COX7B2: variants seen among roughly 807,000 people sequenced by gnomAD.
COX7B2 encodes cytochrome c oxidase subunit 7B2, also known as cytochrome c oxidase subunit 7B2, mitochondrial.
For missense variants in COX7B2, 109 were observed against 95.9 expected (o/e 1.14, Z -0.57); for synonymous variants, 37 against 32.1 (o/e 1.15, Z -0.51).
At chr4:46,796,335 G>A (rs1177966621) in intron 2 of COX7B2, among the ~76,000 whole-genome samples, 1 of 149,504 alleles carries the variant, frequency 6.7e-6, no homozygotes, top group Non-Finnish European at 1.5e-5. Flanking sequence ...AAAAACACAT[G>A]AAGAAATGCT....
chr4:46,798,486 G>A (rs1328814701), intron 2 of COX7B2, among the ~76,000 whole-genome samples: 1 of 152,186 alleles, frequency 6.6e-6, no homozygotes, highest in Non-Finnish European at 1.5e-5. Flanking sequence ...TACTTAAAGT[G>A]TCACTCAGAG....
intron 1 of COX7B2, among the ~76,000 whole-genome samples, chr4:46,884,656 T>C (rs1472099271): frequency 1.3e-5 from 2 of 152,232 alleles, no homozygotes; most frequent in African/African-American, 4.8e-5. Context: ...ATATTCACAT[T>C]GCCCATTCAT....
At chr4:46,892,833 G>A (rs1048704481) in intron 1 of COX7B2, among the ~76,000 whole-genome samples, 2 of 152,150 alleles carry the variant, frequency 1.3e-5, no homozygotes, top group Non-Finnish European at 2.9e-5. Context: ...GTTCCCATAA[G>A]TGTCGCAAGA....
At chr4:46,881,749 A>C (rs1350570003) in intron 1 of COX7B2, among the ~76,000 whole-genome samples, 1 of 152,166 alleles carries the variant, frequency 6.6e-6, no homozygotes, top group Non-Finnish European at 1.5e-5. Flanking sequence ...AATGGGAGGC[A>C]TGTTTGCCCT....
intron 2 of COX7B2, among the ~76,000 whole-genome samples, chr4:46,735,932 G>C (rs1200542059): frequency 6.6e-6 from 1 of 152,016 alleles, no homozygotes; most frequent in Non-Finnish European, 1.5e-5. Flanking sequence ...CATGTACCCT[G>C]ACCCTATACA....
chr4:46,905,814 CTTTTTTTTTTTTTTTTT>C (rs761904309), intron 1 of COX7B2, among the ~76,000 whole-genome samples: 5 of 71,686 alleles, frequency 7.0e-5, no homozygotes, highest in African/African-American at 2.7e-4. Context: ...GCATATATTT[CTTTTTTTTTTTTTTTTT>C]TTTTTTTTTG....
intron 2 of COX7B2, among the ~76,000 whole-genome samples, chr4:46,755,513 A>T (rs1390738128): frequency 1.3e-5 from 2 of 152,140 alleles, no homozygotes; most frequent in South Asian, 4.1e-4. Context: ...ATTAGAAAAT[A>T]GGAAGTCAAC....
At position 46,734,861 on chromosome 4, in the gene COX7B2, A is replaced by G. The variant is rs548408963; in HGVS notation, c.*86T>C. 4 of 1,443,860 alleles carry G rather than the reference A, an allele frequency of 2.8e-6. No homozygotes were observed. The South Asian group carries it at 3.7e-5, about 13-fold the overall frequency. 89.4% of individuals were successfully genotyped at this position (1,443,860 alleles called of 1,614,324 possible). A position where few individuals can be genotyped will look rare whatever the true frequency, so the allele number is the denominator to read the frequency against. On this transcript the variant is annotated 3_prime_UTR_variant, in exon 3 of 3. Transcript: ENST00000355591. ...ATTTAAAACACATTTTATTTTTTCAATTGTGCTATATTTTAATAAGCAGTA... is the reference window on the plus strand; with the variant it reads ...ATTTAAAACACATTTTATTTTTTCAGTTGTGCTATATTTTAATAAGCAGTA...
intron 1 of COX7B2, among the ~76,000 whole-genome samples, chr4:46,882,317 TC>T (rs927979398): frequency 3.9e-5 from 6 of 152,178 alleles, no homozygotes; most frequent in African/African-American, 1.4e-4. Context: ...ATCCATCTGG[TC>T]CAATGTTGAG....
chr4:46,792,065 G>C (rs990940265), intron 2 of COX7B2, among the ~76,000 whole-genome samples: 2 of 152,162 alleles, frequency 1.3e-5, no homozygotes, highest in Admixed American at 6.5e-5. Flanking sequence ...CCCAGAAGTA[G>C]GTGTCAGCAT....
At chr4:46,744,365 G>C (rs1031635689) in intron 2 of COX7B2, among the ~76,000 whole-genome samples, 1 of 151,656 alleles carries the variant, frequency 6.6e-6, no homozygotes, top group Non-Finnish European at 1.5e-5. Context: ...AATTTCAGTC[G>C]GTCGGAGAGA....
intron 2 of COX7B2, among the ~76,000 whole-genome samples, chr4:46,809,353 G>T (rs1719169471): frequency 6.6e-6 from 1 of 151,372 alleles, no homozygotes; most frequent in African/African-American, 2.4e-5. Flanking sequence ...GTTCCTTGAG[G>T]CTTAATGTTA....
intron 2 of COX7B2, among the ~76,000 whole-genome samples, chr4:46,762,705 G>A (rs1716260691): frequency 6.8e-6 from 1 of 147,728 alleles, no homozygotes; most frequent in Non-Finnish European, 1.5e-5. Context: ...GTATTCCATT[G>A]TCACCTGGTA....
intron 2 of COX7B2, among the ~76,000 whole-genome samples, chr4:46,805,471 T>C (rs1718949651): frequency 6.6e-6 from 1 of 152,262 alleles, no homozygotes; most frequent in South Asian, 2.1e-4. Context: ...ATTATCTTGT[T>C]TTATCTGTGT....
In COX7B2 at chr4:46,741,138, G is replaced by A. The variant is rs541660099; in HGVS notation, c.-49-5897C>T. On this transcript the variant is annotated intron_variant, in intron 2 of 2. Coordinates refer to ENST00000355591, the MANE Select transcript of COX7B2 (RefSeq NM_130902.3). ...ACCAACAAATGACCCACTTAGCTTC[G>A]ATATAGGCTTTTTATGTAATTTCAA... Among the ~76,000 whole-genome samples the A allele has an allele frequency of 5.9e-5, 9 of 152,136 alleles. No homozygotes were observed. In the South Asian group the frequency reaches 8.3e-4, roughly 14 times the overall value.
At chr4:46,752,799 T>C (rs1200956218) in intron 2 of COX7B2, among the ~76,000 whole-genome samples, 2 of 152,298 alleles carry the variant, frequency 1.3e-5, no homozygotes, top group East Asian at 3.9e-4. Context: ...AGCTTTTTGA[T>C]GTGCTGCTGG....
intron 1 of COX7B2, among the ~76,000 whole-genome samples, chr4:46,869,711 C>T (rs965230331): frequency 2.0e-5 from 3 of 152,070 alleles, no homozygotes; most frequent in African/African-American, 7.2e-5. Flanking sequence ...CCAAACTCTT[C>T]TGGCTTGTAG....
intron 2 of COX7B2, among the ~76,000 whole-genome samples, chr4:46,770,613 A>AT (rs916205194): frequency 6.6e-6 from 1 of 152,080 alleles, no homozygotes; most frequent in African/African-American, 2.4e-5. Flanking sequence ...TGGCCCTGGT[A>AT]TAAAAACAGA....
chr4:46,749,605 AGTACAC>A (rs1715227142), intron 2 of COX7B2, among the ~76,000 whole-genome samples: 1 of 152,200 alleles, frequency 6.6e-6, no homozygotes, highest in Non-Finnish European at 1.5e-5. Context: ...TTGCATCTGA[AGTACAC>A]TAATCAGAAA....
Sources: allele counts gnomAD v4.1 joint callset (sites outside exome capture counted in the v4.1 genomes callset), GRCh38; gene constraint gnomAD v4.1.1; transcripts MANE v1.5; gene names NCBI Gene and HGNC (gene_info 2026-07-23, HGNC 2026-07-21).